ATP2B2: variants seen among roughly 807,000 people sequenced by gnomAD.
ATP2B2 encodes plasma membrane calcium-transporting ATPase 2.
A neutral mutation model predicts 120.0 loss-of-function variants in ATP2B2; 15 were observed. The ratio of observed to expected loss-of-function variants is 0.12; its 90% CI spans 0.08 to 0.19. The LOEUF is 0.19. Ranked by LOEUF, ATP2B2 falls within the 10% of genes least tolerant of loss-of-function variation. The probability of loss-of-function intolerance (pLI) is 1.00; values close to 1 mark genes in which losing one functional copy is unlikely to be tolerated. For missense variants in ATP2B2, 1,045 were observed against 1,719.8 expected, an observed-to-expected ratio of 0.61 and a Z score of 6.94; for synonymous variants, 694 against 700.3, an observed-to-expected ratio of 0.99 and a Z score of 0.14.
intron 1 of ATP2B2, among the ~76,000 whole-genome samples, chr3:10,641,738 G>C (rs538361697): frequency 6.6e-6 from 1 of 152,140 alleles, no homozygotes; most frequent in East Asian, 1.9e-4. Context: ...CTGAGGGACC[G>C]GGAAAGGAGG....
chr3:10,613,696 C>A (rs2069303008), intron 2 of ATP2B2, among the ~76,000 whole-genome samples: 2 of 152,042 alleles, frequency 1.3e-5, no homozygotes, highest in South Asian at 4.2e-4. Flanking sequence ...CGGCTGCCAT[C>A]ATCTCTTACC....
chr3:10,669,857 C>A (rs2071048978), intron 1 of ATP2B2, among the ~76,000 whole-genome samples: 1 of 152,124 alleles, frequency 6.6e-6, no homozygotes, highest in South Asian at 2.1e-4. Context: ...TGTGGGTTAC[C>A]CGAGGTCAGT....
At chr3:10,444,435 T>C (rs1286120559) in intron 2 of ATP2B2, among the ~76,000 whole-genome samples, 1 of 152,206 alleles carries the variant, frequency 6.6e-6, no homozygotes, top group Non-Finnish European at 1.5e-5. Context: ...CATATTCACG[T>C]GCAGCACAAA....
intron 14 of ATP2B2, among the ~76,000 whole-genome samples, chr3:10,357,670 C>A (rs2060777177): frequency 6.6e-6 from 1 of 152,238 alleles, no homozygotes. Context: ...CAATCTGGAC[C>A]CAGCCAGGGC....
upstream of ATP2B2, among the ~76,000 whole-genome samples, chr3:10,509,596 G>C (rs567009216): frequency 6.6e-6 from 1 of 152,250 alleles, no homozygotes; most frequent in Non-Finnish European, 1.5e-5. Flanking sequence ...CAAACCCTAG[G>C]CCCCTCTCTC....
intron 3 of ATP2B2, among the ~76,000 whole-genome samples, chr3:10,517,460 C>G (rs769790756): frequency 2.5e-4 from 38 of 152,202 alleles, no homozygotes; most frequent in Non-Finnish European, 4.6e-4. Flanking sequence ...AATTTTCTCT[C>G]CAGCCTAAAT....
At chr3:10,649,574 C>A (rs553994533) in intron 1 of ATP2B2, among the ~76,000 whole-genome samples, 1 of 152,294 alleles carries the variant, frequency 6.6e-6, no homozygotes, top group Middle Eastern at 3.4e-3. Flanking sequence ...CTCCCATTCT[C>A]TCTGACCTCA....
intron 2 of ATP2B2, among the ~76,000 whole-genome samples, chr3:10,560,184 A>G (rs2067871360): frequency 6.6e-6 from 1 of 152,230 alleles, no homozygotes; most frequent in Non-Finnish European, 1.5e-5. Context: ...AAACCAGCGA[A>G]AGGCATCGTG....
At chr3:10,612,172 C>T (rs889573779) in intron 2 of ATP2B2, among the ~76,000 whole-genome samples, 2 of 152,174 alleles carry the variant, frequency 1.3e-5, no homozygotes, top group Non-Finnish European at 2.9e-5. Context: ...GACACCTGTG[C>T]TATGAAAGCT....
At chr3:10,686,267 TG>T (rs565760473) in intron 1 of ATP2B2, among the ~76,000 whole-genome samples, 150 of 152,222 alleles carry the variant, frequency 9.9e-4, no homozygotes, top group African/African-American at 3.5e-3. Flanking sequence ...CTCAAACTGA[TG>T]TTAGTCTTGT....
At chr3:10,369,204 T>A (rs756807513) in intron 12 of ATP2B2, among the ~76,000 whole-genome samples, 5 of 152,188 alleles carry the variant, frequency 3.3e-5, no homozygotes, top group Non-Finnish European at 7.3e-5. Flanking sequence ...TGTCCTGCAA[T>A]CTAGATTTCC....
chr3:10,462,753 T>TC (rs2064549566), intron 1 of ATP2B2, among the ~76,000 whole-genome samples: 1 of 152,200 alleles, frequency 6.6e-6, no homozygotes, highest in African/African-American at 2.4e-5. Flanking sequence ...CATGGCTGTC[T>TC]CTGGATTAAA....
chr3:10,392,366 TGTCCTCTCCCAG>T (rs2061881208), intron 5 of ATP2B2, among the ~76,000 whole-genome samples: 9 of 132,422 alleles, frequency 6.8e-5, no homozygotes, highest in Admixed American at 6.4e-4. Context: ...GGCTGTGCCC[TGTCCTCTCCCAG>T]GCCCTCCTGC....
chr3:10,582,445 G>A (rs550517529), intron 2 of ATP2B2, among the ~76,000 whole-genome samples: 3 of 152,226 alleles, frequency 2.0e-5, no homozygotes, highest in East Asian at 1.9e-4. Context: ...ATGGACTCTC[G>A]GACTGACGTT....
rs1409277792 is a variant in ATP2B2 at position 10,347,515 on chromosome 3, T to C, written c.2405-1378A>G. 6.6e-6 allele frequency among the ~76,000 whole-genome samples: 1 copy of C among 152,192 alleles called. No homozygotes were observed. Among genetic ancestry groups the C allele is most frequent in the African/African-American group, 2.4e-5 (1 of 41,448 alleles). Reference sequence around the variant, plus strand: ...TGCCCCCAACCTGCTCCCTTGCAGCTCTACCCTCTTTCAGGCCCAGCTGCA... The same window carrying C: ...TGCCCCCAACCTGCTCCCTTGCAGCCCTACCCTCTTTCAGGCCCAGCTGCA... On this transcript the variant is annotated intron_variant, in intron 16 of 22. Transcript: ENST00000360273. This position sits in a 1 kb window ranked among gnomAD's most constrained non-coding sequence, Gnocchi z 5.2.
intron 2 of ATP2B2, among the ~76,000 whole-genome samples, chr3:10,618,703 C>T (rs1437410986): frequency 6.6e-6 from 1 of 152,160 alleles, no homozygotes; most frequent in Non-Finnish European, 1.5e-5. Context: ...GGTCAGATCA[C>T]TACTACAACA....
At chr3:10,464,623 T>C (rs946272706) in intron 1 of ATP2B2, among the ~76,000 whole-genome samples, 3 of 152,206 alleles carry the variant, frequency 2.0e-5, no homozygotes, top group African/African-American at 7.2e-5. Context: ...TCCTGGGAAC[T>C]TCCTCCATCC....
At chr3:10,449,308 T>A (rs1263560017) in intron 2 of ATP2B2, 37 bp downstream of exon 2, 1 of 1,612,192 alleles carries the variant, frequency 6.2e-7, no homozygotes, top group Non-Finnish European at 8.5e-7. Context: ...GGTGGCCACC[T>A]AGGCTGCAGC....
chr3:10,622,909 T>C (rs1180926691), intron 1 of ATP2B2, among the ~76,000 whole-genome samples: 12 of 152,338 alleles, frequency 7.9e-5, no homozygotes, highest in Non-Finnish European at 1.0e-4. Flanking sequence ...GCCCATGTTC[T>C]TGAGCAAGTC....
Sources: allele counts gnomAD v4.1 joint callset (sites outside exome capture counted in the v4.1 genomes callset), GRCh38; gene constraint gnomAD v4.1.1; non-coding constraint Gnocchi (gnomAD v3.1); transcripts MANE v1.5; gene names NCBI Gene and HGNC (gene_info 2026-07-23, HGNC 2026-07-21).